RAB3GAP1: variants seen among roughly 807,000 people sequenced by gnomAD.
RAB3GAP1 encodes RAB3 GTPase activating protein catalytic subunit 1.
In RAB3GAP1, 86 loss-of-function variants were observed where a neutral mutation model predicts 130.7. The observed-to-expected ratio is 0.66, with a 90% CI of 0.55 to 0.79. RAB3GAP1 has a LOEUF of 0.79. Ranked by LOEUF, RAB3GAP1 falls within the 30% of genes least tolerant of loss-of-function variation. The probability of loss-of-function intolerance (pLI) is 0.00; values close to 1 mark genes in which losing one functional copy is unlikely to be tolerated. For synonymous variants in RAB3GAP1, 367 were observed against 401.7 expected, an observed-to-expected ratio of 0.91 and a Z score of 1.03; for missense variants, 1,029 against 1,169.4, an observed-to-expected ratio of 0.88 and a Z score of 1.75.
chr2:135,153,649 G>T lies in RAB3GAP1; in HGVS notation c.2062G>T (p.Ala688Ser). Reference protein sequence around the residue: ...CLLSDMESFKAANPGCSLEDF... With the variant: ...CLLSDMESFKSANPGCSLEDF... ...GCTGAATTTTTTTGTCTTATTTTAG[G>T]CAGCTAATCCAGGTTGCTCCCTGGA... Residue 688 changes from alanine (A) to serine (S), a missense_variant and splice_region_variant, in exon 19 of 24, where the codon GCA (alanine) becomes TCA (serine). Around this residue, in one of 3 missense-constraint regions of RAB3GAP1, gnomAD observed 373 missense variants for 493.6 expected, o/e 0.76. Transcript: ENST00000264158. The T allele has an allele frequency of 6.2e-7, 1 of 1,613,582 alleles. No individual in the cohort carries two copies. The highest frequency in any genetic ancestry group is 8.5e-7 in the Non-Finnish European group (1 of 1,179,670).
chr2:135,055,799 A>G (rs1337050080), intron 2 of RAB3GAP1, among the ~76,000 whole-genome samples: 2 of 152,072 alleles, frequency 1.3e-5, no homozygotes, highest in Admixed American at 6.5e-5. Flanking sequence ...TAAACTTAAC[A>G]CCAGGAAATA....
At chr2:135,069,385 G>T (rs1267682341) in intron 3 of RAB3GAP1, among the ~76,000 whole-genome samples, 1 of 152,012 alleles carries the variant, frequency 6.6e-6, no homozygotes, top group South Asian at 2.1e-4. Context: ...TCTGCATTTA[G>T]TTTTATAATT....
intron 3 of RAB3GAP1, chr2:135,089,878 T>G (rs542051932): frequency 4.9e-4 from 187 of 381,838 alleles, no homozygotes; most frequent in African/African-American, 3.8e-3. Context: ...TAAGTGTGAG[T>G]TGAACAGTGA....
chr2:135,151,779 G>T (rs150701402), intron 18 of RAB3GAP1, among the ~76,000 whole-genome samples: 1 of 152,330 alleles, frequency 6.6e-6, no homozygotes, highest in African/African-American at 2.4e-5. Flanking sequence ...ACCAGCCTCC[G>T]CAGCAGTAAT....
At chr2:135,121,483 C>T (rs1218536944) in intron 8 of RAB3GAP1, among the ~76,000 whole-genome samples, 7 of 152,114 alleles carry the variant, frequency 4.6e-5, no homozygotes, top group East Asian at 1.9e-4. Flanking sequence ...TGAGACTAGG[C>T]GGTGCTAAGA....
intron 14 of RAB3GAP1, 51 bp downstream of exon 14, chr2:135,133,035 C>A: frequency 9.3e-7 from 1 of 1,075,198 alleles, no homozygotes; most frequent in Non-Finnish European, 1.4e-6. Flanking sequence ...CACTGAATTT[C>A]TAGAGGTTCT....
intron 23 of RAB3GAP1, among the ~76,000 whole-genome samples, chr2:135,165,780 C>G (rs1692626140): frequency 1.3e-5 from 2 of 152,224 alleles, no homozygotes; most frequent in Admixed American, 1.3e-4. Flanking sequence ...CTGATAATAT[C>G]TATCCAGTTC....
intron 19 of RAB3GAP1, among the ~76,000 whole-genome samples, chr2:135,157,619 G>A (rs965197626): frequency 6.6e-6 from 1 of 152,016 alleles, no homozygotes; most frequent in African/African-American, 2.4e-5. Flanking sequence ...ATCACCTGAG[G>A]TCAGGAGTTC....
At chr2:135,095,152 C>T (rs560139539) in intron 5 of RAB3GAP1, among the ~76,000 whole-genome samples, 13 of 152,150 alleles carry the variant, frequency 8.5e-5, no homozygotes, top group Admixed American at 6.5e-4. Context: ...AGGTTCATGT[C>T]ATTCTCCTCC....
chr2:135,086,947 G>A (rs765946538), intron 3 of RAB3GAP1, among the ~76,000 whole-genome samples: 5 of 152,084 alleles, frequency 3.3e-5, no homozygotes, highest in African/African-American at 4.8e-5. Flanking sequence ...ACAGGTGTGA[G>A]CCACTGTGCC....
Position 135,163,136 on chromosome 2 carries a change from A to G in RAB3GAP1, c.2606+35A>G, listed in dbSNP as rs575764105. ...ATTTGGCTAATTCAGTTTTGTCTGCAGTAGGAAAAGCCACCACTCTCTTAA... is the reference window on the plus strand; with the variant it reads ...ATTTGGCTAATTCAGTTTTGTCTGCGGTAGGAAAAGCCACCACTCTCTTAA... On this transcript the variant is annotated intron_variant, in intron 22 of 23. Transcript: ENST00000264158. The G allele has an allele frequency of 6.1e-5, 88 of 1,451,444 alleles. No individual in the cohort carries two copies. In the South Asian group the frequency reaches 9.8e-4, roughly 16 times the overall value. 89.9% of individuals were successfully genotyped at this position (1,451,444 alleles called of 1,614,324 possible).
At chr2:135,107,419 AAAGG>A (rs78202315) in intron 5 of RAB3GAP1, among the ~76,000 whole-genome samples, 6,351 of 152,016 alleles carry the variant, frequency 0.042, 151 homozygotes, top group African/African-American at 0.055. Flanking sequence ...AATATTGCAC[AAAGG>A]AAGGGGGAAG....
intron 2 of RAB3GAP1, among the ~76,000 whole-genome samples, chr2:135,053,849 G>T (rs1252432216): frequency 1.3e-5 from 2 of 152,024 alleles, no homozygotes; most frequent in African/African-American, 4.8e-5. Context: ...TTTAAATAGG[G>T]GTGATATTGT....
chr2:135,106,517 T>G (rs1690625303), intron 5 of RAB3GAP1, among the ~76,000 whole-genome samples: 1 of 152,080 alleles, frequency 6.6e-6, no homozygotes, highest in Non-Finnish European at 1.5e-5. Flanking sequence ...TTAAGGGCGG[T>G]GCAAGATGTG....
At chr2:135,092,815 T>A (rs528563078) in intron 4 of RAB3GAP1, among the ~76,000 whole-genome samples, 2 of 152,344 alleles carry the variant, frequency 1.3e-5, no homozygotes, top group Admixed American at 1.3e-4. Flanking sequence ...TTAATTTGAT[T>A]GTGATTGAGC....
intron 2 of RAB3GAP1, 24 bp from the exon 3 acceptor site, chr2:135,057,987 A>G: frequency 6.5e-7 from 1 of 1,533,344 alleles, no homozygotes; most frequent in Non-Finnish European, 9.0e-7. Flanking sequence ...TGTTGTATTT[A>G]GAAGCTTTCT....
intron 9 of RAB3GAP1, 81 bp from the exon 10 acceptor site, chr2:135,126,100 C>A: frequency 1.9e-6 from 2 of 1,066,772 alleles, no homozygotes; most frequent in South Asian, 1.3e-5. Flanking sequence ...ACTTTTATTT[C>A]CTTGGTATAG....
intron 17 of RAB3GAP1, among the ~76,000 whole-genome samples, chr2:135,143,150 A>G (rs1262943962): frequency 6.6e-6 from 1 of 151,862 alleles, no homozygotes; most frequent in Non-Finnish European, 1.5e-5. Flanking sequence ...CTTATTTTTT[A>G]TTTCTTGTAT....
chr2:135,155,285 A>C (rs1456768438), intron 19 of RAB3GAP1, among the ~76,000 whole-genome samples: 1 of 152,172 alleles, frequency 6.6e-6, no homozygotes, highest in Non-Finnish European at 1.5e-5. Flanking sequence ...GCCCAAGTTT[A>C]AATTTTATAA....
Sources: allele counts gnomAD v4.1 joint callset (sites outside exome capture counted in the v4.1 genomes callset), GRCh38; gene constraint gnomAD v4.1.1; regional missense constraint gnomAD v4.1.1; transcripts MANE v1.5; gene names NCBI Gene and HGNC (gene_info 2026-07-23, HGNC 2026-07-21).